Variants in RALYL observed in about 807,000 individuals in gnomAD.
The protein encoded by RALYL is RNA-binding Raly-like protein.
Under a neutral mutation model 35.1 loss-of-function variants are expected in RALYL, and 29 were observed. That is an observed-to-expected ratio of 0.83 (90% confidence interval 0.61 to 1.13). The LOEUF (loss-of-function observed/expected upper bound fraction) is 1.13. Ranked by LOEUF, RALYL falls within the 50% of genes most tolerant of loss-of-function variation. RALYL has a pLI of 0.00. For missense variants in RALYL, 359 were observed against 360.4 expected (o/e 1.00, Z 0.03); for synonymous variants, 120 against 127.6 (o/e 0.94, Z 0.40).
intron 2 of RALYL, among the ~76,000 whole-genome samples, chr8:84,538,126 C>G (rs923744300): frequency 2.0e-5 from 3 of 152,174 alleles, no homozygotes; most frequent in Non-Finnish European, 4.4e-5. Context: ...GTAGAACTAA[C>G]GGTCTGTCAG....
intron 1 of RALYL, among the ~76,000 whole-genome samples, chr8:84,454,983 T>A (rs950957787): frequency 6.6e-6 from 1 of 152,098 alleles, no homozygotes; most frequent in Non-Finnish European, 1.5e-5. Context: ...AAGATTCACA[T>A]AATCTGAAGC....
chr8:84,504,235 T>C (rs2056966541), intron 1 of RALYL, among the ~76,000 whole-genome samples: 1 of 152,040 alleles, frequency 6.6e-6, no homozygotes, highest in Non-Finnish European at 1.5e-5. Flanking sequence ...GTTAAATATG[T>C]TTAATAGAAG....
intron 3 of RALYL, among the ~76,000 whole-genome samples, chr8:84,775,361 A>G (rs1485511737): frequency 4.6e-5 from 7 of 152,210 alleles, no homozygotes; most frequent in Non-Finnish European, 1.5e-5. Flanking sequence ...TGTTCTCATA[A>G]TGCAGCTCAG....
At chr8:84,573,908 CT>C (rs1279407534) in intron 2 of RALYL, among the ~76,000 whole-genome samples, 2 of 151,704 alleles carry the variant, frequency 1.3e-5, no homozygotes, top group African/African-American at 4.8e-5. Context: ...TTATGCTTTT[CT>C]TTTAATTTTA....
intron 1 of RALYL, among the ~76,000 whole-genome samples, chr8:84,389,173 G>A (rs1218093736): frequency 1.3e-5 from 2 of 152,066 alleles, no homozygotes; most frequent in East Asian, 1.9e-4. Context: ...CGTTATTTCT[G>A]AGGGCTCTGT....
At chr8:84,555,397 T>C (rs966081796) in intron 2 of RALYL, among the ~76,000 whole-genome samples, 1 of 152,192 alleles carries the variant, frequency 6.6e-6, no homozygotes, top group Non-Finnish European at 1.5e-5. Context: ...AAACCTCTGC[T>C]TTATACACCA....
At chr8:84,610,032 C>T (rs1031703178) in intron 2 of RALYL, among the ~76,000 whole-genome samples, 2 of 152,092 alleles carry the variant, frequency 1.3e-5, no homozygotes, top group African/African-American at 4.8e-5. Flanking sequence ...CAGTTACCTC[C>T]CACTGGATCC....
At chr8:84,377,451 G>GTTTTTTTTT (rs369746268) in intron 1 of RALYL, among the ~76,000 whole-genome samples, 6 of 83,722 alleles carry the variant, frequency 7.2e-5, no homozygotes, top group African/African-American at 1.8e-4. Context: ...AAGGTTAACT[G>GTTTTTTTTT]TTTTTTTTTT....
chr8:84,357,757 G>A (rs111331811), intron 1 of RALYL, among the ~76,000 whole-genome samples: 7,740 of 145,274 alleles, frequency 0.053, 264 homozygotes, highest in African/African-American at 0.093. Context: ...TTAGCTTGTC[G>A]TATATATATA....
At chr8:84,386,136 T>C (rs1343164483) in intron 1 of RALYL, among the ~76,000 whole-genome samples, 4 of 151,814 alleles carry the variant, frequency 2.6e-5, no homozygotes, top group African/African-American at 7.2e-5. Flanking sequence ...GGAAATAGAC[T>C]ACATTTAAGA....
chr8:84,907,924 T>TTA (rs1481269306), intron 8 of RALYL, among the ~76,000 whole-genome samples: 1 of 152,098 alleles, frequency 6.6e-6, no homozygotes, highest in East Asian at 1.9e-4. Context: ...CCTCTCCTGT[T>TTA]TCTCTCTCAA....
intron 5 of RALYL, among the ~76,000 whole-genome samples, chr8:84,855,854 T>C (rs1200444677): frequency 6.6e-6 from 1 of 152,212 alleles, no homozygotes; most frequent in East Asian, 1.9e-4. Flanking sequence ...GGTGTTTTAC[T>C]TCTATGTAAA....
intron 2 of RALYL, among the ~76,000 whole-genome samples, chr8:84,702,345 G>A (rs1840337358): frequency 6.6e-6 from 1 of 152,064 alleles, no homozygotes; most frequent in African/African-American, 2.4e-5. Context: ...TATTGGCCTA[G>A]TTCCTGGTAA....
chr8:84,576,265 AAAC>A (rs2135887708), intron 2 of RALYL, among the ~76,000 whole-genome samples: 1 of 152,340 alleles, frequency 6.6e-6, no homozygotes, highest in Non-Finnish European at 1.5e-5. Flanking sequence ...CTATGAATAT[AAAC>A]AAAAAAAGCA....
intron 1 of RALYL, among the ~76,000 whole-genome samples, chr8:84,396,991 A>C (rs1413728268): frequency 6.6e-6 from 1 of 152,122 alleles, no homozygotes; most frequent in Non-Finnish European, 1.5e-5. Flanking sequence ...ATAGGGACTT[A>C]GCTAATGTGG....
intron 2 of RALYL, among the ~76,000 whole-genome samples, chr8:84,747,860 A>C (rs987762668): frequency 4.8e-4 from 73 of 152,032 alleles, no homozygotes; most frequent in African/African-American, 1.4e-3. Context: ...CACACCCCCC[A>C]AAAAAATAAC....
chr8:84,633,754 A>C (rs1824436536), intron 2 of RALYL, among the ~76,000 whole-genome samples: 1 of 151,832 alleles, frequency 6.6e-6, no homozygotes, highest in Non-Finnish European at 1.5e-5. Flanking sequence ...AATTAGGAAA[A>C]ATGTGTATGC....
At chr8:84,843,747 C>A (rs981754913) in intron 4 of RALYL, among the ~76,000 whole-genome samples, 3 of 152,066 alleles carry the variant, frequency 2.0e-5, no homozygotes, top group Non-Finnish European at 2.9e-5. Flanking sequence ...CCAAAACAGC[C>A]TGGTACTGGT....
intron 1 of RALYL, among the ~76,000 whole-genome samples, chr8:84,201,410 A>G (rs2131009602): frequency 6.6e-6 from 1 of 152,226 alleles, no homozygotes; most frequent in Non-Finnish European, 1.5e-5. Context: ...AGGTCTTTCA[A>G]GGTATGTCTC....
Sources: allele counts gnomAD v4.1 joint callset (sites outside exome capture counted in the v4.1 genomes callset), GRCh38; gene constraint gnomAD v4.1.1; transcripts MANE v1.5; gene names NCBI Gene and HGNC (gene_info 2026-07-23, HGNC 2026-07-21).